The following GPATCH2 variants were observed in gnomAD, a reference collection of about 807,000 sequenced individuals.
GPATCH2 encodes the protein G-patch domain containing 2.
Under a neutral mutation model 58.0 loss-of-function variants are expected in GPATCH2, and 51 were observed. The observed-to-expected ratio is 0.88, with a 90% CI of 0.70 to 1.11. The LOEUF (loss-of-function observed/expected upper bound fraction) is 1.11, where lower values mean the gene tolerates loss of function less well. Ranked by LOEUF, GPATCH2 falls within the 50% of genes most tolerant of loss-of-function variation. The probability of loss-of-function intolerance (pLI) is 0.00; values close to 1 mark genes in which losing one functional copy is unlikely to be tolerated. For missense variants in GPATCH2, 625 were observed against 652.2 expected, an observed-to-expected ratio of 0.96 and a Z score of 0.45; for synonymous variants, 222 against 218.5, an observed-to-expected ratio of 1.02 and a Z score of -0.14.
chr1:217,571,915 AAGAC>A lies in GPATCH2; in HGVS notation c.1098+38402_1098+38405del, dbSNP rs1378044336. Reference sequence around the variant, plus strand: ...TCTGAGAAACAGAAAGACAGAAAGAAAGACAGACAGACAAAAGAAGAAAGAAAGA... The same window carrying A: ...TCTGAGAAACAGAAAGACAGAAAGAAAGACAGACAAAAGAAGAAAGAAAGA... On this transcript the variant is annotated intron_variant, in intron 5 of 9. Coordinates refer to ENST00000366935, the MANE Select transcript of GPATCH2 (RefSeq NM_018040.5). Among the ~76,000 whole-genome samples the A allele has an allele frequency of 6.6e-5, 10 of 151,082 alleles. No individual in the cohort carries two copies. In the South Asian group the frequency reaches 1.7e-3, roughly 26 times the overall value.
intron 5 of GPATCH2, among the ~76,000 whole-genome samples, chr1:217,519,826 T>C (rs1663356943): frequency 6.6e-6 from 1 of 152,216 alleles, no homozygotes; most frequent in Non-Finnish European, 1.5e-5. Context: ...CTAATGTACA[T>C]ATAAAATTAT....
At chr1:217,494,548 G>A (rs1234740174) in intron 7 of GPATCH2, among the ~76,000 whole-genome samples, 4 of 152,150 alleles carry the variant, frequency 2.6e-5, no homozygotes, top group Non-Finnish European at 5.9e-5. Context: ...AAACCAGCCT[G>A]GCCAACATAG....
chr1:217,548,023 C>T (rs1665151720), intron 5 of GPATCH2, among the ~76,000 whole-genome samples: 2 of 152,162 alleles, frequency 1.3e-5, no homozygotes, highest in African/African-American at 4.8e-5. Context: ...AGTTAAGTTT[C>T]CTGAGGCTTC....
intron 9 of GPATCH2, among the ~76,000 whole-genome samples, chr1:217,444,338 G>C (rs1659283486): frequency 1.3e-5 from 2 of 152,180 alleles, no homozygotes; most frequent in South Asian, 4.1e-4. Context: ...TTAGGTTTTT[G>C]AGCTTGCCAG....
intron 9 of GPATCH2, among the ~76,000 whole-genome samples, chr1:217,433,234 G>C (rs1479241183): frequency 1.3e-5 from 2 of 151,892 alleles, no homozygotes; most frequent in East Asian, 3.9e-4. Flanking sequence ...AGGATCCTTG[G>C]ATCTCAAACA....
intron 9 of GPATCH2, among the ~76,000 whole-genome samples, chr1:217,433,361 C>CATATATATATATATATATATATAT (rs1183174400): frequency 3.4e-5 from 4 of 118,580 alleles, no homozygotes; most frequent in African/African-American, 1.0e-4. Flanking sequence ...TTAAGCTGTT[C>CATATATATATATATATATATATAT]ATATATATAT....
chr1:217,626,600 T>C (rs1207484355), intron 1 of GPATCH2, among the ~76,000 whole-genome samples: 4 of 152,198 alleles, frequency 2.6e-5, no homozygotes. Flanking sequence ...CTAAGAATTA[T>C]CTTAAGATTT....
At chr1:217,561,903 T>C (rs1419911888) in intron 5 of GPATCH2, among the ~76,000 whole-genome samples, 1 of 152,112 alleles carries the variant, frequency 6.6e-6, no homozygotes, top group Non-Finnish European at 1.5e-5. Flanking sequence ...GATAGAAAAA[T>C]TATTCTCTCT....
chr1:217,438,121 C>T (rs1222354988), intron 9 of GPATCH2, among the ~76,000 whole-genome samples: 1 of 152,144 alleles, frequency 6.6e-6, no homozygotes, highest in Non-Finnish European at 1.5e-5. Flanking sequence ...CCAGTGAACT[C>T]CAGGAGACCT....
rs201055087 is a variant in GPATCH2, at chr1:217,523,524, A to G, written c.1099-8635T>C. ...CAGATCAACAGGATCCCAAGGCAGA[A>G]GAATTTTTCTTAGTACAGAACAAAA... On this transcript the variant is annotated intron_variant, in intron 5 of 9. Transcript: ENST00000366935. Among the ~76,000 whole-genome samples, 428 of 151,766 alleles carry G rather than the reference A, an allele frequency of 2.8e-3. 7 individuals carry two copies. The East Asian group carries it at 0.04, about 14-fold the overall frequency.
At chr1:217,434,799 C>T (rs1486876768) in intron 9 of GPATCH2, among the ~76,000 whole-genome samples, 2 of 151,900 alleles carry the variant, frequency 1.3e-5, no homozygotes, top group South Asian at 2.1e-4. Flanking sequence ...GCAGGGTAGC[C>T]CAGGGGTGAC....
intron 5 of GPATCH2, among the ~76,000 whole-genome samples, chr1:217,559,552 T>C (rs946156636): frequency 6.6e-6 from 1 of 152,058 alleles, no homozygotes; most frequent in African/African-American, 2.4e-5. Context: ...TCTTATGGCA[T>C]TACAAACATA....
chr1:217,476,625 C>G (rs1660981890), intron 8 of GPATCH2, among the ~76,000 whole-genome samples: 1 of 152,058 alleles, frequency 6.6e-6, no homozygotes, highest in South Asian at 2.1e-4. Context: ...CCTGTTATAG[C>G]AGAAATCAAA....
intron 5 of GPATCH2, among the ~76,000 whole-genome samples, chr1:217,583,621 A>G (rs4846244): frequency 0.5 from 74,946 of 149,452 alleles, 19,674 homozygotes; most frequent in East Asian, 0.92. Flanking sequence ...ACAAGAAGCT[A>G]TATTTGGATA....
At chr1:217,600,012 T>C (rs2102789608) in intron 5 of GPATCH2, among the ~76,000 whole-genome samples, 1 of 152,290 alleles carries the variant, frequency 6.6e-6, no homozygotes, top group Admixed American at 6.5e-5. Context: ...TGTTACTACA[T>C]AGTTACATGT....
chr1:217,576,521 T>G (rs962289348), intron 5 of GPATCH2, among the ~76,000 whole-genome samples: 1 of 152,224 alleles, frequency 6.6e-6, no homozygotes, highest in Non-Finnish European at 1.5e-5. Context: ...TACTCCATTG[T>G]AGCCAGCCTC....
chr1:217,467,032 G>A (rs1217989726), intron 8 of GPATCH2, among the ~76,000 whole-genome samples: 4 of 152,162 alleles, frequency 2.6e-5, no homozygotes, highest in Admixed American at 6.5e-5. Context: ...AATTAGCTAC[G>A]TGTGGTGGCA....
intron 8 of GPATCH2, among the ~76,000 whole-genome samples, chr1:217,452,466 G>A (rs1659712096): frequency 1.3e-5 from 2 of 152,090 alleles, no homozygotes; most frequent in South Asian, 4.1e-4. Flanking sequence ...TGCTCACTGT[G>A]ACTATTAATA....
Position 217,619,878 on chromosome 1 carries a change from T to C in GPATCH2, c.678A>G (p.Glu226=). 1 of 1,613,950 alleles carries C rather than the reference T, an allele frequency of 6.2e-7. No homozygotes were observed. Among genetic ancestry groups the C allele is most frequent in the Middle Eastern group, 1.7e-4 (1 of 6,060 alleles). The change falls in exon 2 of 10, where the codon GAA becomes GAG. Residue 226 remains glutamate (E), a synonymous_variant. Transcript: ENST00000366935. ...TTTCCTCACTTTCTAAAACTACTCC[T>C]TCATCTTGGATTTTTGGTCCTTGTC... is the stretch of plus-strand genomic sequence containing the variant. ...IIRQGPKIQD[E]GVVLESEETN... is the part of the protein sequence containing the mutation.
Sources: gnomAD v4.1 joint callset for allele counts (sites outside exome capture counted in the v4.1 genomes callset) on GRCh38, gnomAD v4.1.1 for gene constraint, MANE v1.5 for transcripts, NCBI Gene and HGNC (gene_info 2026-07-23, HGNC 2026-07-21) for gene names.